Variants in GABRA2 observed in about 807,000 individuals in gnomAD.
GABRA2 encodes the protein gamma-aminobutyric acid type A receptor subunit alpha2, also known as gamma-aminobutyric acid receptor subunit alpha-2.
GABRA2 carries 16 observed loss-of-function variants against 48.7 expected under a neutral mutation model. The ratio of observed to expected loss-of-function variants is 0.33; its 90% CI spans 0.22 to 0.50. The LOEUF (loss-of-function observed/expected upper bound fraction) is 0.50, where lower values mean the gene tolerates loss of function less well. Among genes scored for constraint, GABRA2 ranks in the 20% least tolerant of loss-of-function variants. The pLI, the probability that GABRA2 is intolerant of heterozygous loss-of-function variation, is 0.98. For missense variants in GABRA2, 275 were observed against 535.6 expected, an observed-to-expected ratio of 0.51 and a Z score of 4.80; for synonymous variants, 185 against 184.5, an observed-to-expected ratio of 1.00 and a Z score of -0.02.
intron 2 of GABRA2, among the ~76,000 whole-genome samples, chr4:46,387,469 G>A (rs11942333): frequency 0.3 from 44,879 of 151,956 alleles, 6,912 homozygotes; most frequent in Middle Eastern, 0.34. Flanking sequence ...AAATATTAAA[G>A]TATTCAAATG....
intron 9 of GABRA2, among the ~76,000 whole-genome samples, chr4:46,260,427 A>G (rs1716722940): frequency 6.6e-6 from 1 of 151,872 alleles, no homozygotes; most frequent in African/African-American, 2.4e-5. Context: ...TGTTTTTCAC[A>G]TTTAGAGGTA....
chr4:46,390,030 G>A lies in GABRA2; in HGVS notation c.-306C>T, dbSNP rs1471016479. The A allele has an allele frequency of 8.0e-5, 52 of 652,486 alleles. No individual in the cohort carries two copies. The highest frequency in any genetic ancestry group is 9.5e-5 in the Non-Finnish European group (51 of 536,174). 40.4% of individuals were successfully genotyped at this position (652,486 alleles called of 1,614,324 possible). Reference sequence around the variant, plus strand: ...AGGAGGAGGAGGAAGAGGAGGAGGGGGAAAACGATGACAGGAGCTGGGGCC... The same window carrying A: ...AGGAGGAGGAGGAAGAGGAGGAGGGAGAAAACGATGACAGGAGCTGGGGCC... On this transcript the variant is annotated 5_prime_UTR_variant, in exon 1 of 10. Transcript: ENST00000381620.
chr4:46,265,486 TTATA>T (rs71193857), intron 8 of GABRA2, among the ~76,000 whole-genome samples: 71,211 of 130,808 alleles, frequency 0.54, 19,581 homozygotes, highest in South Asian at 0.76. Context: ...TGTGTATATA[TTATA>T]TATATATATA....
At chr4:46,258,323 T>C (rs1186309988) in intron 9 of GABRA2, among the ~76,000 whole-genome samples, 1 of 151,714 alleles carries the variant, frequency 6.6e-6, no homozygotes, top group African/African-American at 2.4e-5. Context: ...CAAACTACGA[T>C]AAAGGTTCTA....
chr4:46,369,357 A>C (rs865837772), intron 3 of GABRA2, among the ~76,000 whole-genome samples: 8 of 152,168 alleles, frequency 5.3e-5, no homozygotes, highest in Admixed American at 6.6e-5. Flanking sequence ...AAATGTTTCA[A>C]GTTAATTATT....
intron 3 of GABRA2, among the ~76,000 whole-genome samples, chr4:46,372,824 AC>A: frequency 6.6e-6 from 1 of 152,076 alleles, no homozygotes; most frequent in African/African-American, 2.4e-5. Context: ...GTGTTACACC[AC>A]CCTCTCTAAG....
intron 8 of GABRA2, among the ~76,000 whole-genome samples, chr4:46,299,980 C>T (rs918545856): frequency 6.6e-6 from 1 of 151,878 alleles, no homozygotes; most frequent in Non-Finnish European, 1.5e-5. Context: ...AAGTATGCAA[C>T]ATGAATAGCA....
Position 46,329,062 on chromosome 4 carries a change from A to C in GABRA2, c.255+3553T>G, listed in dbSNP as rs895518092. Among the ~76,000 whole-genome samples, 36 of 152,018 alleles carry C rather than the reference A, an allele frequency of 2.4e-4. 1 individual carries two copies. Among genetic ancestry groups the C allele is most frequent in the Admixed American group, 8.5e-4 (13 of 15,220 alleles). ...TTCAACTTTAATTTTTCCTAGCTGC[A>C]TCTTTCTTCTCTAGATTTGGACAAA... On this transcript the variant is annotated intron_variant, in intron 4 of 9. Transcript: ENST00000381620.
chr4:46,339,943 A>G (rs1057235140), intron 3 of GABRA2, among the ~76,000 whole-genome samples: 3 of 151,836 alleles, frequency 2.0e-5, no homozygotes, highest in Non-Finnish European at 4.4e-5. Context: ...TAAACTTATC[A>G]TGTCTCAAAC....
chr4:46,276,248 A>G (rs1720487445), intron 8 of GABRA2, among the ~76,000 whole-genome samples: 1 of 152,152 alleles, frequency 6.6e-6, no homozygotes, highest in East Asian at 1.9e-4. Flanking sequence ...AGTCAAAAGC[A>G]GTAAATTCTT....
At chr4:46,271,773 A>G (rs1719383978) in intron 8 of GABRA2, among the ~76,000 whole-genome samples, 1 of 151,934 alleles carries the variant, frequency 6.6e-6, no homozygotes, top group Non-Finnish European at 1.5e-5. Flanking sequence ...TAATTTATCC[A>G]AAACTCGTAT....
intron 3 of GABRA2, among the ~76,000 whole-genome samples, chr4:46,355,315 T>A (rs1365459235): frequency 6.6e-6 from 1 of 152,188 alleles, no homozygotes; most frequent in Non-Finnish European, 1.5e-5. Context: ...TGCACTAAAC[T>A]ATATTTTTTT....
chr4:46,306,052 T>A (rs1726634014), intron 6 of GABRA2, among the ~76,000 whole-genome samples: 1 of 152,158 alleles, frequency 6.6e-6, no homozygotes, highest in Admixed American at 6.5e-5. Context: ...TGTGGTAAAA[T>A]AAGCTGTTTA....
chr4:46,323,199 G>T (rs558117106), intron 4 of GABRA2, among the ~76,000 whole-genome samples: 2 of 151,826 alleles, frequency 1.3e-5, no homozygotes, highest in African/African-American at 4.8e-5. Flanking sequence ...GGGTCACTAT[G>T]GTCTTCTTAG....
rs1713774157 is a variant in GABRA2 at position 46,246,701 on chromosome 4, T to A, written c.*3607A>T. On this transcript the variant is annotated 3_prime_UTR_variant, in exon 10 of 10. Coordinates refer to ENST00000381620, the MANE Select transcript of GABRA2 (RefSeq NM_000807.4). ...TGTGCCAGGAGACTAATAACAATAA[T>A]AATCTGTTTAGTAAATCTATTAACA... 6.6e-6 allele frequency among the ~76,000 whole-genome samples: 1 copy of A among 151,290 alleles called. No individual in the cohort carries two copies. Among genetic ancestry groups the A allele is most frequent in the Admixed American group, 6.6e-5 (1 of 15,124 alleles).
chr4:46,335,754 A>AG (rs1321855462), intron 3 of GABRA2, among the ~76,000 whole-genome samples: 1 of 152,130 alleles, frequency 6.6e-6, no homozygotes, highest in Non-Finnish European at 1.5e-5. Context: ...TACAGGCATG[A>AG]GCCACCGTGC....
At position 46,250,297 on chromosome 4, in the gene GABRA2, T is replaced by C. The variant is rs200408393; in HGVS notation, c.*11A>G. 30 of 1,600,284 alleles carry C rather than the reference T, an allele frequency of 1.9e-5. No homozygotes were observed. The African/African-American group carries it at 3.5e-4, about 19-fold the overall frequency. Reference sequence around the variant, plus strand: ...GTTGCTATACATCCCAAAGATAACATGGGTCTCAATTCAAGGACTGACCCC... The same window carrying C: ...GTTGCTATACATCCCAAAGATAACACGGGTCTCAATTCAAGGACTGACCCC... On this transcript the variant is annotated 3_prime_UTR_variant, in exon 10 of 10. Coordinates refer to ENST00000381620, the MANE Select transcript of GABRA2 (RefSeq NM_000807.4).
At chr4:46,257,640 C>G (rs1011660526) in intron 9 of GABRA2, among the ~76,000 whole-genome samples, 2 of 151,562 alleles carry the variant, frequency 1.3e-5, no homozygotes, top group African/African-American at 2.4e-5. Context: ...AGCTTAGCTC[C>G]TTGAATAACT....
chr4:46,346,888 A>G (rs1393178442), intron 3 of GABRA2, among the ~76,000 whole-genome samples: 1 of 151,886 alleles, frequency 6.6e-6, no homozygotes, highest in African/African-American at 2.4e-5. Flanking sequence ...GCCATAAATA[A>G]TCCATCAAAA....
Sources: allele counts gnomAD v4.1 joint callset (sites outside exome capture counted in the v4.1 genomes callset), GRCh38; gene constraint gnomAD v4.1.1; transcripts MANE v1.5; gene names NCBI Gene and HGNC (gene_info 2026-07-23, HGNC 2026-07-21).